The following DLEU7 variants were observed in gnomAD, a reference collection of about 807,000 sequenced individuals.
The protein encoded by DLEU7 is deleted in lymphocytic leukemia 7.
A neutral mutation model predicts 16.0 loss-of-function variants in DLEU7; 17 were observed. The ratio of observed to expected loss-of-function variants is 1.06; its 90% CI spans 0.73 to 1.59. The LOEUF (loss-of-function observed/expected upper bound fraction) is 1.59. Among genes scored for constraint, DLEU7 ranks in the 40% most tolerant of loss-of-function variants. The pLI, the probability that DLEU7 is intolerant of heterozygous loss-of-function variation, is 0.00. For missense variants in DLEU7, 308 were observed against 314.9 expected (o/e 0.98, Z 0.17); for synonymous variants, 113 against 139.8 (o/e 0.81, Z 1.35).
At chr13:50,804,119 G>A (rs907718306) in intron 1 of DLEU7, among the ~76,000 whole-genome samples, 6 of 151,874 alleles carry the variant, frequency 4.0e-5, no homozygotes, top group Non-Finnish European at 7.4e-5. Flanking sequence ...ATGTCATCAC[G>A]TCCTAAATAT....
At chr13:50,781,781 T>C (rs192774728) in intron 1 of DLEU7, among the ~76,000 whole-genome samples, 18 of 152,260 alleles carry the variant, frequency 1.2e-4, no homozygotes. Context: ...TTGCCTTAGA[T>C]GAAATAGAAC....
chr13:50,740,862 A>G (rs969091538), intron 1 of DLEU7, among the ~76,000 whole-genome samples: 9 of 152,260 alleles, frequency 5.9e-5, no homozygotes, highest in African/African-American at 2.2e-4. Context: ...ATAAGTGAAA[A>G]GCCTTCTGTA....
intron 1 of DLEU7, among the ~76,000 whole-genome samples, chr13:50,749,028 A>G (rs919165794): frequency 9.9e-5 from 15 of 151,930 alleles, no homozygotes; most frequent in African/African-American, 3.6e-4. Flanking sequence ...GTAGTCTTTT[A>G]TCCCTCACCC....
intron 1 of DLEU7, among the ~76,000 whole-genome samples, chr13:50,798,350 T>C (rs1460670832): frequency 6.6e-6 from 1 of 152,218 alleles, no homozygotes; most frequent in Non-Finnish European, 1.5e-5. Flanking sequence ...AATTAAACTT[T>C]TAATATTTTT....
intron 1 of DLEU7, among the ~76,000 whole-genome samples, chr13:50,721,451 C>A (rs778830862): frequency 8.4e-4 from 127 of 151,606 alleles, no homozygotes; most frequent in Non-Finnish European, 1.4e-3. Flanking sequence ...CTCTAGAGAA[C>A]CCTGACTAAT....
chr13:50,824,383 G>A (rs1368062689), intron 1 of DLEU7, among the ~76,000 whole-genome samples: 3 of 151,962 alleles, frequency 2.0e-5, no homozygotes, highest in Non-Finnish European at 4.4e-5. Context: ...TGGACTTCTG[G>A]GTCTGGCAAC....
intron 1 of DLEU7, among the ~76,000 whole-genome samples, chr13:50,775,560 C>T (rs567462349): frequency 1.4e-4 from 22 of 152,150 alleles, no homozygotes; most frequent in Admixed American, 6.5e-4. Context: ...GACTAGGAAT[C>T]GGCCAATTAT....
chr13:50,740,676 G>A (rs1036940517), intron 1 of DLEU7, among the ~76,000 whole-genome samples: 1 of 152,138 alleles, frequency 6.6e-6, no homozygotes, highest in Non-Finnish European at 1.5e-5. Flanking sequence ...TGAGGCGATA[G>A]TCTCAAATAT....
chr13:50,828,303 A>G (rs1318282198), intron 1 of DLEU7, among the ~76,000 whole-genome samples: 1 of 152,228 alleles, frequency 6.6e-6, no homozygotes, highest in Non-Finnish European at 1.5e-5. Context: ...ATCTCAACAA[A>G]TATCAGAAAG....
chr13:50,800,725 C>G (rs918420122), intron 1 of DLEU7, among the ~76,000 whole-genome samples: 5 of 152,146 alleles, frequency 3.3e-5, no homozygotes, highest in Admixed American at 6.5e-5. Flanking sequence ...GACAAATACT[C>G]TGCTTGGTGC....
intron 1 of DLEU7, among the ~76,000 whole-genome samples, chr13:50,774,843 T>C (rs1875446879): frequency 5.9e-5 from 9 of 152,154 alleles, no homozygotes; most frequent in Admixed American, 5.9e-4. Flanking sequence ...TGGACACTAC[T>C]CCTTTCTTTT....
At chr13:50,792,834 T>G (rs895489549) in intron 1 of DLEU7, among the ~76,000 whole-genome samples, 1 of 151,668 alleles carries the variant, frequency 6.6e-6, no homozygotes, top group Non-Finnish European at 1.5e-5. Flanking sequence ...GTCTTCTGGT[T>G]TTTGGGTTTT....
chr13:50,822,494 GAA>G (rs11330207), downstream of DLEU7: 939 of 318,342 alleles, frequency 2.9e-3, no homozygotes, highest in Non-Finnish European at 3.7e-3. Flanking sequence ...GACTGTTGTT[GAA>G]AAAAAAAAAA....
At chr13:50,729,606 A>C (rs574667486) in intron 1 of DLEU7, among the ~76,000 whole-genome samples, 14 of 152,234 alleles carry the variant, frequency 9.2e-5, no homozygotes, top group Non-Finnish European at 2.1e-4. Flanking sequence ...AGAAATTACC[A>C]AACTGCTTTC....
At chr13:50,809,078 G>T (rs894685996) in intron 1 of DLEU7, among the ~76,000 whole-genome samples, 1 of 152,068 alleles carries the variant, frequency 6.6e-6, no homozygotes, top group African/African-American at 2.4e-5. Flanking sequence ...CTACCTACTT[G>T]ACTGACCCAG....
downstream of DLEU7, among the ~76,000 whole-genome samples, chr13:50,820,456 T>A (rs1439849728): frequency 2.0e-5 from 3 of 152,126 alleles, no homozygotes; most frequent in Non-Finnish European, 4.4e-5. Context: ...AGAGCCTTAG[T>A]GGCCAACCAG....
Position 50,729,677 on chromosome 13 carries a change from T to A in DLEU7, c.460-16437A>T, listed in dbSNP as rs139261124. Among the ~76,000 whole-genome samples the A allele has an allele frequency of 2.6e-5, 4 of 152,384 alleles. No individual in the cohort carries two copies. The East Asian group carries it at 7.7e-4, about 29-fold the overall frequency. On this transcript the variant is annotated intron_variant, in intron 1 of 1. Transcript: ENST00000400393. ...AGCAGAGTATAAGTGTTCTCTTTTC[T>A]CTGCAGCCTTGCCAGCATCTATTAT... is the stretch of plus-strand genomic sequence containing the variant.
At chr13:50,841,336 C>A (rs944849286) in intron 1 of DLEU7, among the ~76,000 whole-genome samples, 1 of 152,050 alleles carries the variant, frequency 6.6e-6, no homozygotes, top group African/African-American at 2.4e-5. Flanking sequence ...TGCTGCTGGG[C>A]CTTAACCAAA....
chr13:50,833,108 G>C (rs1164329864), intron 1 of DLEU7, among the ~76,000 whole-genome samples: 2 of 152,106 alleles, frequency 1.3e-5, no homozygotes, highest in Non-Finnish European at 2.9e-5. Flanking sequence ...ATGGGCAAAA[G>C]CTGGAAGCAT....
Sources: gnomAD v4.1 joint callset for allele counts (sites outside exome capture counted in the v4.1 genomes callset) on GRCh38, gnomAD v4.1.1 for gene constraint, MANE v1.5 for transcripts, NCBI Gene and HGNC (gene_info 2026-07-23, HGNC 2026-07-21) for gene names.